Variants in ATP6V1H observed in about 807,000 individuals in gnomAD.
ATP6V1H encodes the protein ATPase H+ transporting V1 subunit H, also known as V-type proton ATPase subunit H.
Under a neutral mutation model 71.7 loss-of-function variants are expected in ATP6V1H, and 39 were observed. That is an observed-to-expected ratio of 0.54 (90% CI 0.42 to 0.71). The LOEUF is 0.71. ATP6V1H is among the 30% of genes least tolerant of loss of function. The pLI is 0.00. For synonymous variants in ATP6V1H, 192 were observed against 199.3 expected (o/e 0.96, Z 0.31); for missense variants, 509 against 594.9 (o/e 0.86, Z 1.50).
In ATP6V1H at chr8:53,818,264, AT is replaced by A. The variant is rs537694200; in HGVS notation, c.307-735del. Among the ~76,000 whole-genome samples the A allele has an allele frequency of 2.3e-3, 343 of 152,196 alleles. 2 individuals are homozygous for A. Among genetic ancestry groups the A allele is most frequent in the African/African-American group, 7.9e-3 (327 of 41,516 alleles). On this transcript the variant is annotated intron_variant, in intron 4 of 13. Transcript: ENST00000359530. ...ACTTTTTCTGATTAAACTTTTATTA[AT>A]TTATTTATTTATTTTATTTCCATAG...
intron 8 of ATP6V1H, among the ~76,000 whole-genome samples, chr8:53,798,123 A>G (rs1047362253): frequency 2.0e-4 from 31 of 152,290 alleles, no homozygotes; most frequent in African/African-American, 7.5e-4. Context: ...TTTCTATCTT[A>G]CATAGGTATA....
intron 4 of ATP6V1H, among the ~76,000 whole-genome samples, chr8:53,828,625 T>C (rs931170084): frequency 6.6e-6 from 1 of 152,160 alleles, no homozygotes; most frequent in African/African-American, 2.4e-5. Flanking sequence ...CTTCCTCACA[T>C]TATAAAATCA....
chr8:53,794,757 A>C (rs1379754993), intron 9 of ATP6V1H, among the ~76,000 whole-genome samples: 1 of 152,208 alleles, frequency 6.6e-6, no homozygotes, highest in African/African-American at 2.4e-5. Context: ...CTGGATTTGC[A>C]TGTCTGCTAC....
At chr8:53,723,349 G>A (rs899842119) in intron 13 of ATP6V1H, among the ~76,000 whole-genome samples, 4 of 151,998 alleles carry the variant, frequency 2.6e-5, no homozygotes, top group African/African-American at 9.7e-5. Flanking sequence ...CCTCACCCCT[G>A]ATCCCACCTC....
At chr8:53,723,550 G>A (rs1470313846) in intron 13 of ATP6V1H, among the ~76,000 whole-genome samples, 1 of 152,168 alleles carries the variant, frequency 6.6e-6, no homozygotes, top group Non-Finnish European at 1.5e-5. Flanking sequence ...AGGCAAAGAT[G>A]GTTTATCGTG....
chr8:53,771,187 T>C, intron 10 of ATP6V1H, among the ~76,000 whole-genome samples: 1 of 152,182 alleles, frequency 6.6e-6, no homozygotes, highest in African/African-American at 2.4e-5. Context: ...GTCAAGACAC[T>C]TGTGCAAGGC....
chr8:53,809,806 T>C (rs1810213443), intron 7 of ATP6V1H, among the ~76,000 whole-genome samples: 1 of 152,212 alleles, frequency 6.6e-6, no homozygotes, highest in Admixed American at 6.5e-5. Context: ...AAAATAAAGA[T>C]TCTCAATGTA....
At chr8:53,730,123 A>G (rs1806967493) in intron 13 of ATP6V1H, among the ~76,000 whole-genome samples, 1 of 152,206 alleles carries the variant, frequency 6.6e-6, no homozygotes, top group East Asian at 1.9e-4. Context: ...CCACGCAAGA[A>G]TGGGAGGTGG....
chr8:53,716,925 T>TA (rs1416151938), intron 13 of ATP6V1H, among the ~76,000 whole-genome samples: 1 of 152,222 alleles, frequency 6.6e-6, no homozygotes, highest in East Asian at 1.9e-4. Context: ...TTTCCTCTTA[T>TA]AAAAAAGCAT....
intron 9 of ATP6V1H, among the ~76,000 whole-genome samples, chr8:53,795,314 T>C (rs1053820059): frequency 2.6e-5 from 4 of 152,092 alleles, no homozygotes; most frequent in Non-Finnish European, 4.4e-5. Context: ...CATACTAACA[T>C]ACATGCTCCA....
At chr8:53,778,956 AAAG>A (rs1808995326) in intron 9 of ATP6V1H, among the ~76,000 whole-genome samples, 1 of 152,238 alleles carries the variant, frequency 6.6e-6, no homozygotes, top group African/African-American at 2.4e-5. Flanking sequence ...TACCAGTGAT[AAAG>A]AAGGATATTT....
intron 4 of ATP6V1H, among the ~76,000 whole-genome samples, chr8:53,821,478 C>T (rs1305534128): frequency 1.3e-5 from 2 of 151,838 alleles, no homozygotes; most frequent in Non-Finnish European, 2.9e-5. Context: ...GCCAGTATTT[C>T]GAGACCAGCC....
chr8:53,775,128 A>G (rs970128972), intron 9 of ATP6V1H, among the ~76,000 whole-genome samples: 3 of 151,980 alleles, frequency 2.0e-5, no homozygotes, highest in Middle Eastern at 3.4e-3. Context: ...TGGTCTCGCT[A>G]GCTCAGGAGT....
chr8:53,758,858 C>A (rs1808161773), intron 11 of ATP6V1H, among the ~76,000 whole-genome samples: 1 of 152,212 alleles, frequency 6.6e-6, no homozygotes, highest in South Asian at 2.1e-4. Flanking sequence ...ACTGCAATGG[C>A]AGAGTTGAGT....
chr8:53,839,569 C>T (rs1452928303), intron 2 of ATP6V1H: 2 of 967,070 alleles, frequency 2.1e-6, no homozygotes, highest in Non-Finnish European at 2.5e-6. Context: ...TATTCCAATA[C>T]CTTGGTTACT....
chr8:53,798,663 T>C (rs958402802), intron 8 of ATP6V1H, among the ~76,000 whole-genome samples: 7 of 149,180 alleles, frequency 4.7e-5, no homozygotes. Flanking sequence ...AAGCAAAAAC[T>C]CAAAAAGTAG....
At chr8:53,811,729 AAGTC>A (rs1195120145) in intron 6 of ATP6V1H, among the ~76,000 whole-genome samples, 6 of 152,336 alleles carry the variant, frequency 3.9e-5, no homozygotes, top group African/African-American at 9.6e-5. Flanking sequence ...AATTTAAAGA[AAGTC>A]AGAGGCTGAA....
chr8:53,747,475 C>T (rs1563447105), intron 12 of ATP6V1H, among the ~76,000 whole-genome samples: 1 of 150,014 alleles, frequency 6.7e-6, no homozygotes, highest in African/African-American at 2.5e-5. Context: ...TCTTCTCACT[C>T]TTTTTTATTT....
intron 12 of ATP6V1H, among the ~76,000 whole-genome samples, chr8:53,748,573 C>G (rs1326243387): frequency 1.3e-5 from 2 of 152,060 alleles, no homozygotes; most frequent in Admixed American, 1.3e-4. Flanking sequence ...CTATACATAG[C>G]ATTAAACCAT....
Sources: gnomAD v4.1 joint callset for allele counts (sites outside exome capture counted in the v4.1 genomes callset) on GRCh38, gnomAD v4.1.1 for gene constraint, MANE v1.5 for transcripts, NCBI Gene and HGNC (gene_info 2026-07-23, HGNC 2026-07-21) for gene names.